BICRAL: variants seen among roughly 807,000 people sequenced by gnomAD.
BICRAL encodes the protein BICRA like chromatin remodeling complex associated protein.
In BICRAL, 8 loss-of-function variants were observed where a neutral mutation model predicts 91.8. The observed-to-expected ratio is 0.09, with a 90% CI of 0.05 to 0.16. The LOEUF (loss-of-function observed/expected upper bound fraction) is 0.16. BICRAL is among the 10% of genes least tolerant of loss of function. BICRAL has a pLI of 1.00. For missense variants in BICRAL, 1,038 were observed against 1,310.9 expected, an observed-to-expected ratio of 0.79 and a Z score of 3.21; for synonymous variants, 445 against 491.1, an observed-to-expected ratio of 0.91 and a Z score of 1.24.
At chr6:42,806,487 C>T (rs1763710504) in intron 1 of BICRAL, among the ~76,000 whole-genome samples, 1 of 151,980 alleles carries the variant, frequency 6.6e-6, no homozygotes, top group Non-Finnish European at 1.5e-5. Flanking sequence ...GCTGGGACCA[C>T]AGGCATGTGC....
intron 6 of BICRAL, among the ~76,000 whole-genome samples, chr6:42,840,439 C>T (rs2113982799): frequency 6.6e-6 from 1 of 152,024 alleles, no homozygotes; most frequent in South Asian, 2.1e-4. Flanking sequence ...GACAGGGTTT[C>T]ACCGTGTTAG....
intron 1 of BICRAL, among the ~76,000 whole-genome samples, chr6:42,789,575 G>A (rs2113874655): frequency 6.6e-6 from 1 of 150,398 alleles, no homozygotes; most frequent in South Asian, 2.1e-4. Flanking sequence ...CTGGAAGGCA[G>A]ACATTGGAGT....
At chr6:42,765,827 C>A (rs1449732145) in intron 1 of BICRAL, among the ~76,000 whole-genome samples, 1 of 151,684 alleles carries the variant, frequency 6.6e-6, no homozygotes, top group Non-Finnish European at 1.5e-5. Context: ...TAGGGGTGAG[C>A]ATTGATTTGA....
intron 2 of BICRAL, among the ~76,000 whole-genome samples, chr6:42,811,358 C>T (rs950048951): frequency 4.1e-4 from 63 of 152,312 alleles, no homozygotes; most frequent in South Asian, 2.1e-4. Context: ...CACGGTGGCT[C>T]ACGCCTGTAA....
At chr6:42,852,490 C>A (rs1285762773) in intron 7 of BICRAL, 2 of 495,774 alleles carry the variant, frequency 4.0e-6, no homozygotes, top group African/African-American at 1.9e-5. Flanking sequence ...GATGAAACCC[C>A]ATCTCTACTA....
intron 6 of BICRAL, among the ~76,000 whole-genome samples, chr6:42,832,459 A>AT (rs958273412): frequency 4.0e-5 from 6 of 148,270 alleles, no homozygotes; most frequent in Non-Finnish European, 5.9e-5. Context: ...GTATATATCA[A>AT]TTTTTTAAAC....
chr6:42,764,537 TAAAAA>T (rs960307778), intron 1 of BICRAL, among the ~76,000 whole-genome samples: 5 of 141,710 alleles, frequency 3.5e-5, no homozygotes, highest in Non-Finnish European at 7.7e-5. Flanking sequence ...GACTCTGTCT[TAAAAA>T]AAAAAAAAAG....
intron 1 of BICRAL, among the ~76,000 whole-genome samples, chr6:42,791,517 G>A (rs1483556976): frequency 6.6e-6 from 1 of 152,122 alleles, no homozygotes; most frequent in South Asian, 2.1e-4. Flanking sequence ...TGAACTTTGT[G>A]TCCTGGCCTG....
Position 42,860,278 on chromosome 6 carries a change from G to A in BICRAL, c.2271G>A (p.Glu757=), listed in dbSNP as rs1308423867. 2.5e-6 allele frequency: 4 copies of A among 1,601,768 alleles called. No homozygotes were observed. In the Admixed American group the frequency reaches 5.0e-5, roughly 20 times the overall value. ...EDLRKVDNEF[E]TVATQLLKRT... ...TTTTTAAAGTGGACAATGAATTTGA[G>A]ACAGTTGCCACTCAGCTCCTAAAAA... Residue 757 remains glutamate (E), a synonymous_variant, in exon 11 of 13, where the codon GAG becomes GAA. Coordinates refer to ENST00000314073, the MANE Select transcript of BICRAL (RefSeq NM_001393499.1).
At chr6:42,778,036 GTAA>G (rs1401236880), upstream of BICRAL, among the ~76,000 whole-genome samples, 1 of 152,012 alleles carries the variant, frequency 6.6e-6, no homozygotes, top group African/African-American at 2.4e-5. Context: ...ATGAAGTTTT[GTAA>G]TAATCTGGGG....
chr6:42,840,441 C>A (rs897672005), intron 6 of BICRAL, among the ~76,000 whole-genome samples: 1 of 151,924 alleles, frequency 6.6e-6, no homozygotes, highest in Non-Finnish European at 1.5e-5. Context: ...CAGGGTTTCA[C>A]CGTGTTAGCC....
chr6:42,774,201 C>T (rs1029163600), intron 1 of BICRAL, among the ~76,000 whole-genome samples: 4 of 151,942 alleles, frequency 2.6e-5, no homozygotes, highest in Non-Finnish European at 2.9e-5. Flanking sequence ...ACCTTGAGGC[C>T]CATTCTTTAG....
At chr6:42,819,411 G>A (rs892881041) in intron 2 of BICRAL, among the ~76,000 whole-genome samples, 2 of 151,884 alleles carry the variant, frequency 1.3e-5, no homozygotes, top group Admixed American at 6.6e-5. Context: ...TTAGCCTCCC[G>A]AGTAGCTGGG....
At chr6:42,835,931 G>A (rs958843916) in intron 6 of BICRAL, among the ~76,000 whole-genome samples, 2 of 152,144 alleles carry the variant, frequency 1.3e-5, no homozygotes, top group African/African-American at 4.8e-5. Flanking sequence ...CCCTGTCTCA[G>A]AAAACAAAGA....
intron 1 of BICRAL, among the ~76,000 whole-genome samples, chr6:42,797,662 A>G (rs1413433870): frequency 6.6e-6 from 1 of 152,088 alleles, no homozygotes; most frequent in Non-Finnish European, 1.5e-5. Flanking sequence ...CTCAGCTATC[A>G]CTGTTTTTTT....
At chr6:42,783,926 ATTC>A (rs375878620) in intron 1 of BICRAL, among the ~76,000 whole-genome samples, 6 of 152,196 alleles carry the variant, frequency 3.9e-5, no homozygotes, top group African/African-American at 1.4e-4. Flanking sequence ...CTTTTCCTTA[ATTC>A]TTCAGTTATT....
At chr6:42,838,951 ACT>A (rs1399183553) in intron 6 of BICRAL, among the ~76,000 whole-genome samples, 1 of 151,542 alleles carries the variant, frequency 6.6e-6, no homozygotes, top group Non-Finnish European at 1.5e-5. Context: ...ACAGAGCGAG[ACT>A]CTGTCTCAAA....
Position 42,829,712 on chromosome 6 carries a change from G to C in BICRAL, c.1379G>C (p.Gly460Ala). The change falls in exon 6 of 13, where the codon GGA becomes GCA. Residue 460 changes from glycine (G) to alanine (A), a missense_variant. By Grantham distance (60) the Gly-to-Ala change is moderately conservative. Transcript: ENST00000314073. Reference sequence around the variant, plus strand: ...CTCAGGACCAACCAACCATATACTGGACCGATGCTTAACAACCAGAATACT... The same window carrying C: ...CTCAGGACCAACCAACCATATACTGCACCGATGCTTAACAACCAGAATACT... ...NMLRTNQPYT[G>A]PMLNNQNTAV... is the part of the protein sequence containing the mutation. The C allele has an allele frequency of 6.2e-7, 1 of 1,614,144 alleles. No individual in the cohort carries two copies. Among genetic ancestry groups the C allele is most frequent in the Non-Finnish European group, 8.5e-7 (1 of 1,180,044 alleles).
chr6:42,750,893 TTTTTTTTTTTTTTTTA>T lies in BICRAL; in HGVS notation c.-261+3871_-261+3886del, dbSNP rs1417236309. On this transcript the variant is annotated intron_variant, in intron 1 of 14. Transcript: ENST00000614467. ...GCGCCCGGCCTTTTTTTTTTTTTTT[TTTTTTTTTTTTTTTTA>T]ATACTTTAAGTTCTGGGATGCATGT... is the stretch of plus-strand genomic sequence containing the variant. Among the ~76,000 whole-genome samples the T allele has an allele frequency of 8.2e-5, 6 of 72,858 alleles. 1 individual carries two copies. Among genetic ancestry groups the T allele is most frequent in the East Asian group, 3.0e-4 (1 of 3,302 alleles). 47.8% of individuals were successfully genotyped at this position (72,858 alleles called of 152,430 possible).
Sources: allele counts gnomAD v4.1 joint callset (sites outside exome capture counted in the v4.1 genomes callset), GRCh38; gene constraint gnomAD v4.1.1; transcripts MANE v1.5; gene names NCBI Gene and HGNC (gene_info 2026-07-23, HGNC 2026-07-21).